Variants in RSAD2 observed in about 807,000 individuals in gnomAD.
RSAD2 encodes radical S-adenosyl methionine domain containing 2.
RSAD2 carries 38 observed loss-of-function variants against 37.7 expected under a neutral mutation model. That is an observed-to-expected ratio of 1.01 (90% CI 0.78 to 1.32). The LOEUF is 1.32. RSAD2 is among the 40% of genes most tolerant of loss of function. The pLI is 0.00. For missense variants in RSAD2, 428 were observed against 437.5 expected, an observed-to-expected ratio of 0.98 and a Z score of 0.19; for synonymous variants, 163 against 157.4, an observed-to-expected ratio of 1.04 and a Z score of -0.27.
In RSAD2 at chr2:6,898,085, TTCAA is replaced by T. The variant is rs1162025907; in HGVS notation, c.*2147_*2150del. 6.6e-6 allele frequency: 1 copy of T among 152,014 alleles called. No homozygotes were observed. The highest frequency in any genetic ancestry group is 1.5e-5 in the Non-Finnish European group (1 of 68,008). The allele number at this position is 152,014 out of a possible 1,614,324, so 9.4% of individuals were successfully genotyped here. A position where few individuals can be genotyped will look rare whatever the true frequency, so the allele number is the denominator to read the frequency against. ...GACACTGTTTGATATACAGCAGGTA[TTCAA>T]TCAGTGTTATTTGAAACCAAATCTG... On this transcript the variant is annotated 3_prime_UTR_variant, in exon 6 of 6. Coordinates refer to ENST00000382040, the MANE Select transcript of RSAD2 (RefSeq NM_080657.5).
chr2:6,868,315 A>G (rs1030249222), intron 1 of RSAD2, among the ~76,000 whole-genome samples: 1 of 152,206 alleles, frequency 6.6e-6, no homozygotes, highest in Non-Finnish European at 1.5e-5. Flanking sequence ...TTAAACAGAT[A>G]TGTTTCTAGG....
chr2:6,884,668 G>C (rs1663480805), intron 2 of RSAD2, among the ~76,000 whole-genome samples: 1 of 152,144 alleles, frequency 6.6e-6, no homozygotes, highest in Non-Finnish European at 1.5e-5. Context: ...ATAAATTAGT[G>C]AATTTAGAAG....
intron 4 of RSAD2, 88 bp from the exon 5 acceptor site, chr2:6,893,583 T>C: frequency 2.9e-6 from 3 of 1,043,614 alleles, no homozygotes; most frequent in Admixed American, 1.8e-5. Context: ...TCCAAAACAA[T>C]ACAATGCAAA....
Position 6,897,818 on chromosome 2 carries a change from G to A in RSAD2, c.*1876G>A, listed in dbSNP as rs1663811862. 1 of 152,128 alleles carries A rather than the reference G, an allele frequency of 6.6e-6. No homozygotes were observed. Among genetic ancestry groups the A allele is most frequent in the Admixed American group, 6.5e-5 (1 of 15,268 alleles). The allele number at this position is 152,128 out of a possible 1,614,324, so 9.4% of individuals were successfully genotyped here. On this transcript the variant is annotated 3_prime_UTR_variant, in exon 6 of 6. Transcript: ENST00000382040. ...TCGAGAACAGCCTGGCCAACATGGT[G>A]AAACCCCGTCTCCACTAAAAATACA... is the stretch of plus-strand genomic sequence containing the variant.
At chr2:6,893,109 C>T (rs983957169) in intron 4 of RSAD2, among the ~76,000 whole-genome samples, 2 of 152,188 alleles carry the variant, frequency 1.3e-5, no homozygotes, top group African/African-American at 4.8e-5. Context: ...AAACATTTTA[C>T]AGACCCCTAT....
intron 1 of RSAD2, among the ~76,000 whole-genome samples, chr2:6,869,585 T>C (rs1663168952): frequency 6.6e-6 from 1 of 152,184 alleles, no homozygotes; most frequent in South Asian, 2.1e-4. Context: ...GTGTACAATA[T>C]ACAATGAATT....
upstream of RSAD2, among the ~76,000 whole-genome samples, chr2:6,875,508 C>A (rs1386984522): frequency 1.3e-5 from 2 of 152,200 alleles, no homozygotes; most frequent in Non-Finnish European, 2.9e-5. Flanking sequence ...GCCAACCAAC[C>A]TATGATGGTT....
intron 3 of RSAD2, among the ~76,000 whole-genome samples, chr2:6,887,585 T>G (rs1663548219): frequency 6.6e-6 from 1 of 152,216 alleles, no homozygotes; most frequent in Non-Finnish European, 1.5e-5. Flanking sequence ...AGGGTTAAAG[T>G]CTTCCCCAAG....
At position 6,887,085 on chromosome 2, in the gene RSAD2, T is replaced by C. The variant is rs1425575443; in HGVS notation, c.659T>C (p.Ile220Thr). ...AGGGATTATAGAGTCGCTTTCAAGA[T>C]AAATTCTGTCATTAATCGTTTCAAC... The part of the protein sequence containing the change: ...WCRDYRVAFK[I>T]NSVINRFNVE... The change falls in exon 3 of 6, where the codon ATA becomes ACA. Residue 220 changes from isoleucine to threonine, a missense_variant. Ile to Thr is a moderately conservative substitution (Grantham distance 89). Transcript: ENST00000382040. 1.9e-6 allele frequency: 3 copies of C among 1,613,786 alleles called. No homozygotes were observed. The highest frequency in any genetic ancestry group is 2.5e-6 in the Non-Finnish European group (3 of 1,179,794).
In RSAD2 at chr2:6,887,043, A is replaced by C. The variant is rs768674225; in HGVS notation, c.617A>C (p.Lys206Thr). The change falls in exon 3 of 6, where the codon AAG becomes ACG. Residue 206 changes from lysine (K) to threonine (T), a missense_variant. By Grantham distance (78) the Lys-to-Thr change is moderately conservative. Coordinates refer to ENST00000382040, the MANE Select transcript of RSAD2 (RefSeq NM_080657.5). ...AAGAACCATGTGGAAAACCTTCAAA[A>C]GCTGAGGAGGTGGTGTAGGGATTAT... is the stretch of plus-strand genomic sequence containing the variant. Reference protein sequence around the residue: ...GKKNHVENLQKLRRWCRDYRV... With the variant: ...GKKNHVENLQTLRRWCRDYRV... 3 of 1,614,088 alleles carry C rather than the reference A, an allele frequency of 1.9e-6. No individual in the cohort carries two copies. The highest frequency in any genetic ancestry group is 2.5e-6 in the Non-Finnish European group (3 of 1,180,022).
intron 1 of RSAD2, chr2:6,866,467 CT>C: frequency 1.0e-6 from 1 of 985,700 alleles, no homozygotes; most frequent in Non-Finnish European, 1.2e-6. Context: ...TGCCCTCTCC[CT>C]TTTGCTGACT....
chr2:6,868,385 G>GAT (rs1325329542), intron 1 of RSAD2, among the ~76,000 whole-genome samples: 1 of 152,104 alleles, frequency 6.6e-6, no homozygotes, highest in African/African-American at 2.4e-5. Flanking sequence ...TAAATGAGAT[G>GAT]ATAGAACCAC....
intron 1 of RSAD2, among the ~76,000 whole-genome samples, chr2:6,882,556 G>A (rs139728720): frequency 9.2e-5 from 14 of 152,264 alleles, no homozygotes; most frequent in African/African-American, 3.1e-4. Context: ...GTTCCAGAAA[G>A]ATGAAAAAGT....
upstream of RSAD2, among the ~76,000 whole-genome samples, chr2:6,872,828 T>C (rs1663222836): frequency 6.6e-6 from 1 of 152,216 alleles, no homozygotes; most frequent in African/African-American, 2.4e-5. Flanking sequence ...AACTTTAAAA[T>C]TTGATCTCCA....
intron 1 of RSAD2, among the ~76,000 whole-genome samples, chr2:6,880,543 CTGTTTTACTGGGACCCAT>C (rs563863613): frequency 6.6e-6 from 1 of 152,294 alleles, no homozygotes; most frequent in South Asian, 2.1e-4. Context: ...TTTAGGCCCA[CTGTTTTACTGGGACCCAT>C]TGTATGACAG....
upstream of RSAD2, chr2:6,877,696 G>C: frequency 2.5e-6 from 2 of 812,162 alleles, no homozygotes; most frequent in Admixed American, 2.9e-5. Flanking sequence ...AAGAAGGTGT[G>C]TCCTGCTCCC....
rs1451770680 is a variant in RSAD2, at chr2:6,886,917, A to G, written c.509-18A>G. 12 of 1,599,602 alleles carry G rather than the reference A, an allele frequency of 7.5e-6. No individual in the cohort carries two copies. In the East Asian group the frequency reaches 1.3e-4, roughly 18 times the overall value. On this transcript the variant is annotated intron_variant, in intron 2 of 5. Coordinates refer to ENST00000382040, the MANE Select transcript of RSAD2 (RefSeq NM_080657.5). Reference sequence around the variant, plus strand: ...GGTCCTTGGATAGAAAAGTTTAAACATGATCATTTTCCCTCAGGTGAGTAT... The same window carrying G: ...GGTCCTTGGATAGAAAAGTTTAAACGTGATCATTTTCCCTCAGGTGAGTAT...
intron 4 of RSAD2, among the ~76,000 whole-genome samples, chr2:6,891,036 AT>A (rs1403346114): frequency 2.6e-5 from 4 of 152,186 alleles, no homozygotes; most frequent in Non-Finnish European, 5.9e-5. Context: ...AAAATTAAAA[AT>A]ATGTCACACA....
At chr2:6,877,697 T>A, upstream of RSAD2, 1 of 816,680 alleles carries the variant, frequency 1.2e-6, no homozygotes, top group South Asian at 1.8e-5. Context: ...AGAAGGTGTG[T>A]CCTGCTCCCC....
Sources: allele counts gnomAD v4.1 joint callset (sites outside exome capture counted in the v4.1 genomes callset), GRCh38; gene constraint gnomAD v4.1.1; transcripts MANE v1.5; gene names NCBI Gene and HGNC (gene_info 2026-07-23, HGNC 2026-07-21).